Variants in PSMD12 observed in about 807,000 individuals in gnomAD.
PSMD12 encodes 26S proteasome non-ATPase regulatory subunit 12.
PSMD12 carries 8 observed loss-of-function variants against 62.9 expected under a neutral mutation model. The ratio of observed to expected loss-of-function variants is 0.13; its 90% CI spans 0.07 to 0.23. PSMD12 has a LOEUF of 0.23. Among genes scored for constraint, PSMD12 ranks in the 10% least tolerant of loss-of-function variants. The pLI, the probability that PSMD12 is intolerant of heterozygous loss-of-function variation, is 1.00. For missense variants in PSMD12, 424 were observed against 550.2 expected (o/e 0.77, Z 2.29); for synonymous variants, 173 against 187.4 (o/e 0.92, Z 0.63).
intron 1 of PSMD12, among the ~76,000 whole-genome samples, chr17:67,365,887 T>C (rs1024100074): frequency 2.0e-5 from 3 of 152,258 alleles, no homozygotes; most frequent in East Asian, 1.9e-4. Flanking sequence ...CTCACCACCA[T>C]GCATGACTTG....
chr17:67,348,496 G>A lies in PSMD12; in HGVS notation c.510+54C>T. 4.9e-6 allele frequency: 7 copies of A among 1,418,512 alleles called. No individual in the cohort carries two copies. The South Asian group carries it at 8.3e-5, about 17-fold the overall frequency. The allele number at this position is 1,418,512 out of a possible 1,614,324, so 87.9% of individuals were successfully genotyped here. A position where few individuals can be genotyped will look rare whatever the true frequency, so the allele number is the denominator to read the frequency against. The stretch of plus-strand genomic sequence containing the variant: ...GGATACTCAACCTATATTTCCATTA[G>A]AAAATGCTGCTGACAAAACAAAGTT... On this transcript the variant is annotated intron_variant, in intron 5 of 10. Coordinates refer to ENST00000356126, the MANE Select transcript of PSMD12 (RefSeq NM_002816.5).
intron 1 of PSMD12, among the ~76,000 whole-genome samples, chr17:67,362,227 T>C (rs2042137254): frequency 1.3e-5 from 2 of 152,198 alleles, no homozygotes; most frequent in African/African-American, 4.8e-5. Flanking sequence ...ACCATATCTT[T>C]ACAGTGCAGA....
In PSMD12 at chr17:67,350,351, A is replaced by G. The variant is rs529004309; in HGVS notation, c.298-15T>C. ...TTGGCAACAGCCTAAAATATTAAAA[A>G]CCATTCATAAGTAAAATACATTCCT... On this transcript the variant is annotated splice_polypyrimidine_tract_variant and intron_variant, in intron 3 of 10. Transcript: ENST00000356126. 14 of 1,548,084 alleles carry G rather than the reference A, an allele frequency of 9.0e-6. No individual in the cohort carries two copies. The highest frequency in any genetic ancestry group is 1.9e-5 in the Admixed American group (1 of 52,766).
At chr17:67,341,890 C>T (rs1024400880) in intron 10 of PSMD12, among the ~76,000 whole-genome samples, 8 of 152,164 alleles carry the variant, frequency 5.3e-5, no homozygotes, top group African/African-American at 1.2e-4. Context: ...TGTCACAGAT[C>T]CTTCTGGGGA....
intron 10 of PSMD12, 99 bp from the exon 11 acceptor site, chr17:67,341,151 T>C (rs1481656271): frequency 2.2e-6 from 2 of 904,718 alleles, no homozygotes; most frequent in Non-Finnish European, 3.3e-6. Flanking sequence ...TCCAAGAATA[T>C]GCAGGGGAAT....
At chr17:67,345,611 C>A in intron 8 of PSMD12, 134 bp downstream of exon 8, 2 of 698,904 alleles carry the variant, frequency 2.9e-6, no homozygotes, top group African/African-American at 1.8e-5. Context: ...CATTACACTC[C>A]AGTGTGGGCA....
chr17:67,357,200 A>G, intron 3 of PSMD12, 103 bp downstream of exon 3: 2 of 1,310,024 alleles, frequency 1.5e-6, no homozygotes, highest in Non-Finnish European at 2.1e-6. Context: ...AGGATGTTAC[A>G]ACGTTGACTT....
At chr17:67,351,694 T>A (rs1006820185) in intron 3 of PSMD12, among the ~76,000 whole-genome samples, 1 of 151,898 alleles carries the variant, frequency 6.6e-6, no homozygotes, top group Non-Finnish European at 1.5e-5. Context: ...ACAGTGAACA[T>A]TGCACCCAAT....
At position 67,342,342 on chromosome 17, in the gene PSMD12, G is replaced by A. The variant is rs1433125627; in HGVS notation, c.1084-79C>T. On this transcript the variant is annotated intron_variant, in intron 9 of 10. Transcript: ENST00000356126. ...AAAGTCCATTTATTTTCATATCCAA[G>A]TAAGTTTACTTAAAATGTTAGACTC... 4 of 944,720 alleles carry A rather than the reference G, an allele frequency of 4.2e-6. No homozygotes were observed. In the African/African-American group the frequency reaches 6.7e-5, roughly 16 times the overall value. 58.5% of individuals were successfully genotyped at this position (944,720 alleles called of 1,614,324 possible).
rs182045456 is a variant in PSMD12, at chr17:67,354,138, G to A, written c.297+3165C>T. Among the ~76,000 whole-genome samples, 151 of 152,332 alleles carry A rather than the reference G, an allele frequency of 9.9e-4. 3 individuals are homozygous for A. The highest frequency in any genetic ancestry group is 8.4e-4 in the Non-Finnish European group (57 of 68,030). ...ATTAACAGGGCCAGGGGCCAGGCACGGTGGCTCATGCCTGTAATCCCAGAA... is the reference window on the plus strand; with the variant it reads ...ATTAACAGGGCCAGGGGCCAGGCACAGTGGCTCATGCCTGTAATCCCAGAA... On this transcript the variant is annotated intron_variant, in intron 3 of 10. Transcript: ENST00000356126.
chr17:67,360,236 C>T (rs1347353521), intron 1 of PSMD12, among the ~76,000 whole-genome samples: 1 of 152,184 alleles, frequency 6.6e-6, no homozygotes, highest in East Asian at 1.9e-4. Flanking sequence ...CTATTAGTCA[C>T]GTGACTGTGA....
At chr17:67,358,806 T>C (rs1303124395) in intron 1 of PSMD12, among the ~76,000 whole-genome samples, 1 of 152,144 alleles carries the variant, frequency 6.6e-6, no homozygotes, top group African/African-American at 2.4e-5. Context: ...CACCCACACA[T>C]GCTATCCTTA....
rs34639826 is a variant in PSMD12 at position 67,340,090 on chromosome 17, C to CAAAAAAAAAA, written c.*743_*752dup. 1 of 71,360 alleles carries CAAAAAAAAAA rather than the reference C, an allele frequency of 1.4e-5. No individual in the cohort carries two copies. The allele number at this position is 71,360 out of a possible 1,614,324, so 4.4% of individuals were successfully genotyped here. On this transcript the variant is annotated 3_prime_UTR_variant, in exon 11 of 11. Transcript: ENST00000356126. ...TAAAGAAAGGGGAGAGGAAGAAGAG[C>CAAAAAAAAAA]AAAAAAAAAAAAAAAAAAAAAGTAG...
At position 67,347,079 on chromosome 17, in the gene PSMD12, A is replaced by G. The variant is rs969644441; in HGVS notation, c.795+37T>C. 6.4e-6 allele frequency: 10 copies of G among 1,555,490 alleles called. No individual in the cohort carries two copies. In the Admixed American group the frequency reaches 8.2e-5, roughly 13 times the overall value. Reference sequence around the variant, plus strand: ...TAAAAAAAGCAAATTACTCTTCTGAATAAGAAGCCATGTCAATTACACGAA... The same window carrying G: ...TAAAAAAAGCAAATTACTCTTCTGAGTAAGAAGCCATGTCAATTACACGAA... On this transcript the variant is annotated intron_variant, in intron 7 of 10. Transcript: ENST00000356126.
chr17:67,341,143 C>T, intron 10 of PSMD12, 91 bp from the exon 11 acceptor site: 1 of 960,080 alleles, frequency 1.0e-6, no homozygotes, highest in Non-Finnish European at 1.5e-6. Context: ...ACTCTTCATC[C>T]AAGAATATGC....
chr17:67,363,770 C>G (rs529084986), intron 1 of PSMD12, among the ~76,000 whole-genome samples: 2 of 152,238 alleles, frequency 1.3e-5, no homozygotes, highest in South Asian at 4.1e-4. Flanking sequence ...TAAAAAGCAG[C>G]TGGGCACGGT....
intron 4 of PSMD12, among the ~76,000 whole-genome samples, chr17:67,349,511 A>G (rs2041998893): frequency 6.6e-6 from 1 of 152,236 alleles, no homozygotes; most frequent in South Asian, 2.1e-4. Context: ...TGAAATTACT[A>G]TGTTTAACAA....
chr17:67,352,197 A>C (rs1162212910), intron 3 of PSMD12, among the ~76,000 whole-genome samples: 1 of 151,904 alleles, frequency 6.6e-6, no homozygotes, highest in African/African-American at 2.4e-5. Flanking sequence ...GGCTCATGTG[A>C]TCTTCCCACC....
Position 67,350,287 on chromosome 17 carries a change from G to A in PSMD12, c.347C>T (p.Thr116Ile), listed in dbSNP as rs1466521207. Residue 116 changes from threonine (T) to isoleucine (I), a missense_variant, in exon 4 of 11, where the codon ACA (threonine) becomes ATA (isoleucine). By Grantham distance (89) the Thr-to-Ile change is moderately conservative (BLOSUM62 -1). Coordinates refer to ENST00000356126, the MANE Select transcript of PSMD12 (RefSeq NM_002816.5). ...TAATCGAAGTTTGATAGGAAGGTCT[G>A]TGATTTCCTCAACATAAGTACAGCA... The part of the protein sequence containing the change: ...QQCCTYVEEI[T>I]DLPIKLRLID... 6.2e-7 allele frequency: 1 copy of A among 1,613,154 alleles called. No individual in the cohort carries two copies. The highest frequency in any genetic ancestry group is 2.2e-5 in the East Asian group (1 of 44,824).
Sources: gnomAD v4.1 joint callset for allele counts (sites outside exome capture counted in the v4.1 genomes callset) on GRCh38, gnomAD v4.1.1 for gene constraint, MANE v1.5 for transcripts, NCBI Gene and HGNC (gene_info 2026-07-23, HGNC 2026-07-21) for gene names.